Variants in GTF2H1 observed in about 807,000 individuals in gnomAD.
GTF2H1 encodes the protein general transcription factor IIH subunit 1.
A neutral mutation model predicts 71.2 loss-of-function variants in GTF2H1; 16 were observed. That is an observed-to-expected ratio of 0.22 (90% CI 0.15 to 0.34). GTF2H1 has a LOEUF of 0.34. Ranked by LOEUF, GTF2H1 falls within the 10% of genes least tolerant of loss-of-function variation. The pLI, the probability that GTF2H1 is intolerant of heterozygous loss-of-function variation, is 1.00. For missense variants in GTF2H1, 498 were observed against 648.2 expected (o/e 0.77, Z 2.52); for synonymous variants, 215 against 219.0 (o/e 0.98, Z 0.16).
At chr11:18,342,725 T>C (rs1590189362) in intron 7 of GTF2H1, among the ~76,000 whole-genome samples, 1 of 151,994 alleles carries the variant, frequency 6.6e-6, no homozygotes, top group East Asian at 1.9e-4. Context: ...GGAAGACTTT[T>C]TTAGTGCTTT....
rs751305215 is a variant in GTF2H1 at position 18,357,947 on chromosome 11, T to C, written c.1261-5T>C. On this transcript the variant is annotated splice_polypyrimidine_tract_variant and splice_region_variant and intron_variant, in intron 11 of 14. Transcript: ENST00000265963. The stretch of plus-strand genomic sequence containing the variant: ...CCAGTTTTAATGCATCTTCATTTTT[T>C]TCAGGTTCTCTCAAGTAGTGCTGCC... 1.3e-6 allele frequency: 2 copies of C among 1,592,398 alleles called. No individual in the cohort carries two copies. The highest frequency in any genetic ancestry group is 1.7e-6 in the Non-Finnish European group (2 of 1,160,486).
rs1865547186 is a variant in GTF2H1 at position 18,356,411 on chromosome 11, G to A, written c.1261-1541G>A. Among the ~76,000 whole-genome samples the A allele has an allele frequency of 3.3e-5, 5 of 151,784 alleles. No individual in the cohort carries two copies. In the South Asian group the frequency reaches 8.3e-4, roughly 25 times the overall value. ...AAAAAAAAAAAAATCTGGGCACTAGGTATACATTGGGGTGTCATTGTCCCT... is the reference window on the plus strand; with the variant it reads ...AAAAAAAAAAAAATCTGGGCACTAGATATACATTGGGGTGTCATTGTCCCT... On this transcript the variant is annotated intron_variant, in intron 11 of 14. Transcript: ENST00000265963.
intron 7 of GTF2H1, among the ~76,000 whole-genome samples, chr11:18,345,051 C>T (rs1437675610): frequency 6.6e-6 from 1 of 150,754 alleles, no homozygotes; most frequent in Admixed American, 6.6e-5. Flanking sequence ...ATTAGCTGGG[C>T]ATAGTGGTAT....
intron 14 of GTF2H1, among the ~76,000 whole-genome samples, chr11:18,364,431 A>G (rs1377879008): frequency 6.6e-6 from 1 of 152,172 alleles, no homozygotes; most frequent in Non-Finnish European, 1.5e-5. Flanking sequence ...AAAAGTCAGT[A>G]TAAGCCAGAT....
intron 1 of GTF2H1, among the ~76,000 whole-genome samples, chr11:18,325,386 A>T (rs1419437398): frequency 6.6e-6 from 1 of 152,260 alleles, no homozygotes; most frequent in African/African-American, 2.4e-5. Flanking sequence ...AAAGATGTAT[A>T]TGCAAAGATT....
chr11:18,325,524 C>T (rs1004061551), intron 1 of GTF2H1, among the ~76,000 whole-genome samples: 3 of 152,112 alleles, frequency 2.0e-5, no homozygotes, highest in African/African-American at 4.8e-5. Context: ...ACAGAGAACC[C>T]GACATATATG....
At chr11:18,350,184 T>C (rs1157236214) in intron 9 of GTF2H1, among the ~76,000 whole-genome samples, 1 of 152,222 alleles carries the variant, frequency 6.6e-6, no homozygotes, top group Non-Finnish European at 1.5e-5. Flanking sequence ...CTCTCACTTG[T>C]AGAATGAGAG....
intron 14 of GTF2H1, 96 bp downstream of exon 14, chr11:18,360,803 TTTTC>T: frequency 1.5e-6 from 1 of 681,798 alleles, no homozygotes; most frequent in Non-Finnish European, 2.5e-6. Flanking sequence ...AGATACTTAA[TTTTC>T]TTTTTTTTTT....
intron 9 of GTF2H1, among the ~76,000 whole-genome samples, chr11:18,351,094 A>C (rs1423604089): frequency 3.9e-5 from 6 of 152,178 alleles, no homozygotes; most frequent in African/African-American, 1.4e-4. Flanking sequence ...TTTTACTCCT[A>C]ATCCAAAATA....
At chr11:18,361,600 CA>C (rs1408796324) in intron 14 of GTF2H1, among the ~76,000 whole-genome samples, 1 of 152,186 alleles carries the variant, frequency 6.6e-6, no homozygotes, top group Non-Finnish European at 1.5e-5. Context: ...ACCTGGGAGA[CA>C]GGGGTTGCGG....
At chr11:18,333,301 A>AT (rs1193518127) in intron 2 of GTF2H1, 73 bp downstream of exon 2, 8 of 1,099,052 alleles carry the variant, frequency 7.3e-6, no homozygotes, top group Non-Finnish European at 1.0e-5. Context: ...GAGATTATAT[A>AT]AATCTTTATT....
At chr11:18,342,920 T>G (rs1865195498) in intron 7 of GTF2H1, among the ~76,000 whole-genome samples, 1 of 152,056 alleles carries the variant, frequency 6.6e-6, no homozygotes, top group African/African-American at 2.4e-5. Flanking sequence ...TTTGTTTTGT[T>G]TTGTTTTGTT....
At chr11:18,362,420 A>C (rs754127338) in intron 14 of GTF2H1, among the ~76,000 whole-genome samples, 36 of 152,202 alleles carry the variant, frequency 2.4e-4, no homozygotes, top group Non-Finnish European at 4.0e-4. Context: ...CTTAGACTAC[A>C]TTAAATTTAC....
chr11:18,340,675 T>G (rs1164067110), intron 5 of GTF2H1, among the ~76,000 whole-genome samples: 1 of 152,204 alleles, frequency 6.6e-6, no homozygotes, highest in Non-Finnish European at 1.5e-5. Context: ...TAGTAACTGA[T>G]TTAATCATCA....
At chr11:18,327,276 A>G (rs1431119923) in intron 1 of GTF2H1, among the ~76,000 whole-genome samples, 1 of 149,006 alleles carries the variant, frequency 6.7e-6, no homozygotes, top group African/African-American at 2.4e-5. Context: ...TATAAAATAC[A>G]TAATTATTAT....
Position 18,326,665 on chromosome 11 carries a change from CTTTA to C in GTF2H1, c.-16+3929_-16+3932del, listed in dbSNP as rs538196472. Among the ~76,000 whole-genome samples, 75 of 152,210 alleles carry C rather than the reference CTTTA, an allele frequency of 4.9e-4. 1 individual carries two copies. Among genetic ancestry groups the C allele is most frequent in the African/African-American group, 1.8e-3 (73 of 41,530 alleles). On this transcript the variant is annotated intron_variant, in intron 1 of 14. Transcript: ENST00000265963. ...TTTGTATTATTTTCCAATACTAACACTTTATTTGTGCCTGTAAGTCCAGTTAATT... is the reference window on the plus strand; with the variant it reads ...TTTGTATTATTTTCCAATACTAACACTTTGTGCCTGTAAGTCCAGTTAATT...
At chr11:18,356,283 C>T (rs1337725482) in intron 11 of GTF2H1, among the ~76,000 whole-genome samples, 3 of 149,756 alleles carry the variant, frequency 2.0e-5, no homozygotes, top group African/African-American at 7.4e-5. Context: ...GAGGCTGAGG[C>T]AGAAGAATTG....
At position 18,366,683 on chromosome 11, in the gene GTF2H1, G is replaced by T. The variant is rs1367252303; in HGVS notation, c.*814G>T. The T allele has an allele frequency of 6.6e-6, 1 of 152,492 alleles. No homozygotes were observed. Among genetic ancestry groups the T allele is most frequent in the African/African-American group, 2.4e-5 (1 of 41,418 alleles). The allele number at this position is 152,492 out of a possible 1,614,324, so 9.4% of individuals were successfully genotyped here. Reference sequence around the variant, plus strand: ...TTTGAGTGCAAATGTACATTGCTAAGATTTTTTTAAGATGGCATGTGCTTT... The same window carrying T: ...TTTGAGTGCAAATGTACATTGCTAATATTTTTTTAAGATGGCATGTGCTTT... On this transcript the variant is annotated 3_prime_UTR_variant, in exon 15 of 15. Coordinates refer to ENST00000265963, the MANE Select transcript of GTF2H1 (RefSeq NM_005316.4).
chr11:18,356,156 C>T (rs942513299), intron 11 of GTF2H1, among the ~76,000 whole-genome samples: 6 of 151,998 alleles, frequency 3.9e-5, no homozygotes, highest in Admixed American at 1.3e-4. Context: ...GGCCGAGGCA[C>T]GCAGATCACT....
Sources: gnomAD v4.1 joint callset for allele counts (sites outside exome capture counted in the v4.1 genomes callset) on GRCh38, gnomAD v4.1.1 for gene constraint, MANE v1.5 for transcripts, NCBI Gene and HGNC (gene_info 2026-07-23, HGNC 2026-07-21) for gene names.